The following ADRA1B variants were observed in gnomAD, a reference collection of about 807,000 sequenced individuals.
ADRA1B encodes alpha-1B adrenergic receptor.
In ADRA1B, 17 loss-of-function variants were observed where a neutral mutation model predicts 17.9. That is an observed-to-expected ratio of 0.95 (90% CI 0.65 to 1.42). The LOEUF is 1.42. Ranked by LOEUF, ADRA1B falls within the 40% of genes most tolerant of loss-of-function variation. The pLI, the probability that ADRA1B is intolerant of heterozygous loss-of-function variation, is 0.00. For synonymous variants in ADRA1B, 366 were observed against 327.6 expected, an observed-to-expected ratio of 1.12 and a Z score of -1.27; for missense variants, 681 against 722.1, an observed-to-expected ratio of 0.94 and a Z score of 0.65.
At chr5:159,967,857 C>A (rs1755803420) in intron 1 of ADRA1B, among the ~76,000 whole-genome samples, 1 of 152,182 alleles carries the variant, frequency 6.6e-6, no homozygotes, top group Non-Finnish European at 1.5e-5. Flanking sequence ...TTGGAGGGTA[C>A]ATTGTAAGAA....
chr5:159,875,910 C>T (rs1369948331), intron 1 of ADRA1B, among the ~76,000 whole-genome samples: 3 of 151,720 alleles, frequency 2.0e-5, no homozygotes, highest in South Asian at 2.1e-4. Flanking sequence ...CAACAAGGGC[C>T]GGGCATGGTG....
At chr5:159,951,655 C>T (rs746538800) in intron 1 of ADRA1B, among the ~76,000 whole-genome samples, 13 of 152,060 alleles carry the variant, frequency 8.5e-5, no homozygotes, top group South Asian at 2.1e-4. Context: ...CTCCTCGGGC[C>T]GGAACCTGAG....
intron 1 of ADRA1B, among the ~76,000 whole-genome samples, chr5:159,908,884 C>A (rs1245790781): frequency 6.6e-6 from 1 of 152,174 alleles, no homozygotes; most frequent in Non-Finnish European, 1.5e-5. Flanking sequence ...CCCTCCCAGG[C>A]ACTTGCAATT....
intron 1 of ADRA1B, among the ~76,000 whole-genome samples, chr5:159,899,665 G>A (rs1196857007): frequency 6.6e-6 from 1 of 152,144 alleles, no homozygotes; most frequent in Non-Finnish European, 1.5e-5. Context: ...CCTGCACAAC[G>A]GCACCCGGCA....
chr5:159,977,530 G>C (rs2113306822), downstream of ADRA1B, among the ~76,000 whole-genome samples: 1 of 152,296 alleles, frequency 6.6e-6, no homozygotes, highest in Non-Finnish European at 1.5e-5. Flanking sequence ...CCCAAGATTG[G>C]TTGGATTTGG....
At chr5:159,894,320 C>T (rs764465881) in intron 1 of ADRA1B, among the ~76,000 whole-genome samples, 10 of 152,228 alleles carry the variant, frequency 6.6e-5, no homozygotes, top group South Asian at 2.1e-4. Flanking sequence ...TTAACTAAAA[C>T]GCTTGTCACC....
In ADRA1B at chr5:159,877,100, G is replaced by T. The variant is rs547895798; in HGVS notation, c.-256+11894G>T. Among the ~76,000 whole-genome samples the T allele has an allele frequency of 5.3e-5, 8 of 152,296 alleles. No homozygotes were observed. The South Asian group carries it at 1.7e-3, about 32-fold the overall frequency. ...GAAGCTCTTTACTAAAAGGACTGAT[G>T]ATGTGTTTTCTGGAATGGGAGCCTC... On this transcript the variant is annotated intron_variant, in intron 1 of 2. Coordinates refer to the ADRA1B transcript ENST00000641205.
chr5:159,978,623 C>T, the ADRA1B span, among the ~76,000 whole-genome samples: 22 of 152,162 alleles, frequency 1.4e-4, no homozygotes, highest in Admixed American at 3.9e-4. Context: ...TTTTGTTCTC[C>T]CCTCCTCGTT....
chr5:159,951,204 G>T (rs1755430123), intron 1 of ADRA1B: 3 of 788,034 alleles, frequency 3.8e-6, no homozygotes, highest in Non-Finnish European at 6.8e-6. Context: ...AAAGACGCTG[G>T]TGGACTTCAC....
chr5:159,947,066 T>A (rs556727170), intron 1 of ADRA1B, among the ~76,000 whole-genome samples: 1 of 151,986 alleles, frequency 6.6e-6, no homozygotes, highest in African/African-American at 2.4e-5. Context: ...GTTAGCTGGG[T>A]GCGGTGGCTC....
At chr5:159,950,960 A>ATGGCG in intron 1 of ADRA1B, 1 of 588,406 alleles carries the variant, frequency 1.7e-6, no homozygotes, top group South Asian at 1.6e-5. Context: ...GGTGGCAGTG[A>ATGGCG]TGGCGTGGAC....
At chr5:159,969,920 T>C (rs1471309222) in intron 1 of ADRA1B, among the ~76,000 whole-genome samples, 1 of 151,182 alleles carries the variant, frequency 6.6e-6, no homozygotes, top group East Asian at 1.9e-4. Context: ...CAGAGTATTA[T>C]TAATTGCATT....
At chr5:159,919,188 C>T (rs1224507415) in intron 1 of ADRA1B, among the ~76,000 whole-genome samples, 6 of 152,184 alleles carry the variant, frequency 3.9e-5, no homozygotes, top group Non-Finnish European at 8.8e-5. Flanking sequence ...AGGCTAATGC[C>T]TTTCAGAAAT....
At chr5:159,970,784 T>C (rs1227683219) in intron 1 of ADRA1B, among the ~76,000 whole-genome samples, 1 of 152,222 alleles carries the variant, frequency 6.6e-6, no homozygotes, top group Admixed American at 6.5e-5. Context: ...CTATCAGGTA[T>C]GTCCCTTTGT....
At chr5:159,956,294 G>C (rs966528387) in intron 1 of ADRA1B, among the ~76,000 whole-genome samples, 1 of 152,072 alleles carries the variant, frequency 6.6e-6, no homozygotes, top group Non-Finnish European at 1.5e-5. Flanking sequence ...AATACAAAGT[G>C]AAAATGTTCA....
upstream of ADRA1B, among the ~76,000 whole-genome samples, chr5:159,914,177 G>A (rs2113138609): frequency 6.6e-6 from 1 of 152,314 alleles, no homozygotes; most frequent in South Asian, 2.1e-4. Context: ...ATCTAAGCCA[G>A]GTCCTATCTG....
chr5:159,976,597 C>T (rs867438808), downstream of ADRA1B, among the ~76,000 whole-genome samples: 1 of 148,320 alleles, frequency 6.7e-6, no homozygotes, highest in Non-Finnish European at 1.5e-5. Context: ...ACCTGGGAAT[C>T]AGAGATTGCA....
At chr5:159,892,309 A>G (rs1009716478) in intron 1 of ADRA1B, among the ~76,000 whole-genome samples, 1 of 152,224 alleles carries the variant, frequency 6.6e-6, no homozygotes, top group African/African-American at 2.4e-5. Flanking sequence ...TGAGCATTAT[A>G]TAACAGCTTT....
chr5:159,948,101 G>T (rs2113252996), intron 1 of ADRA1B: 1 of 985,428 alleles, frequency 1.0e-6, no homozygotes, highest in Middle Eastern at 5.2e-4. Flanking sequence ...ATAGCTGAAA[G>T]TCTCTGTACC....
Sources: allele counts gnomAD v4.1 joint callset (sites outside exome capture counted in the v4.1 genomes callset), GRCh38; gene constraint gnomAD v4.1.1; transcripts MANE v1.5; gene names NCBI Gene and HGNC (gene_info 2026-07-23, HGNC 2026-07-21).